The following CDCA7L variants were observed in gnomAD, a reference collection of about 807,000 sequenced individuals.
CDCA7L encodes the protein cell division cycle-associated 7-like protein.
A neutral mutation model predicts 57.4 loss-of-function variants in CDCA7L; 44 were observed. That is an observed-to-expected ratio of 0.77 (90% CI 0.60 to 0.98). CDCA7L has a LOEUF of 0.98. Ranked by LOEUF, CDCA7L falls within the 50% of genes least tolerant of loss-of-function variation. CDCA7L has a pLI of 0.00. For synonymous variants in CDCA7L, 236 were observed against 202.8 expected (o/e 1.16, Z -1.39); for missense variants, 644 against 580.6 (o/e 1.11, Z -1.12).
Position 21,901,388 on chromosome 7 carries a change from T to TGAAAAA in CDCA7L, c.*933_*934insTTTTTC. The TGAAAAA allele has an allele frequency of 1.6e-6, 2 of 1,272,226 alleles. No homozygotes were observed. The highest frequency in any genetic ancestry group is 2.0e-6 in the Non-Finnish European group (2 of 982,136). 78.8% of individuals were successfully genotyped at this position (1,272,226 alleles called of 1,614,324 possible). A position where few individuals can be genotyped will look rare whatever the true frequency, so the allele number is the denominator to read the frequency against. ...TGCATTCTTTTTTCAACGCTATCCT[T>TGAAAAA]AGAGTGAAAGTCAGAAAAAAATACT... On this transcript the variant is annotated 3_prime_UTR_variant, in exon 10 of 10. Transcript: ENST00000406877.
At chr7:21,915,124 C>T (rs1307591651) in intron 2 of CDCA7L, among the ~76,000 whole-genome samples, 5 of 151,984 alleles carry the variant, frequency 3.3e-5, no homozygotes, top group Non-Finnish European at 4.4e-5. Flanking sequence ...ACGAGGGCTA[C>T]GGCAGCTGCA....
At chr7:21,936,376 A>T (rs751817280) in intron 1 of CDCA7L, among the ~76,000 whole-genome samples, 53 of 152,188 alleles carry the variant, frequency 3.5e-4, no homozygotes, top group Non-Finnish European at 5.3e-4. Flanking sequence ...GATACTAGAA[A>T]ACTATACAGC....
chr7:21,945,740 T>C (rs1386013942), intron 1 of CDCA7L, 41 bp downstream of exon 1: 1 of 1,600,770 alleles, frequency 6.2e-7, no homozygotes, highest in African/African-American at 1.4e-5. Context: ...GAAGTCAAAC[T>C]GTGGGTGCGT....
chr7:21,929,147 T>C (rs1785916522), intron 1 of CDCA7L, among the ~76,000 whole-genome samples: 1 of 152,168 alleles, frequency 6.6e-6, no homozygotes, highest in Non-Finnish European at 1.5e-5. Context: ...GTGGGGTCAA[T>C]ATTCAACATT....
At chr7:21,945,710 G>A in intron 1 of CDCA7L, 71 bp downstream of exon 1, 1 of 1,578,622 alleles carries the variant, frequency 6.3e-7, no homozygotes, top group Non-Finnish European at 8.7e-7. Flanking sequence ...CCCAAGGCCA[G>A]CAGGACCGGG....
At chr7:21,929,176 C>G (rs1189057254) in intron 1 of CDCA7L, among the ~76,000 whole-genome samples, 1 of 152,174 alleles carries the variant, frequency 6.6e-6, no homozygotes, top group African/African-American at 2.4e-5. Flanking sequence ...AAAGAATTTT[C>G]AACCCAGAAT....
chr7:21,944,804 T>C (rs578211211), intron 1 of CDCA7L: 11 of 147,362 alleles, frequency 7.5e-5, no homozygotes, highest in Admixed American at 6.9e-4. Flanking sequence ...GGCACGCAGG[T>C]GGAGGAAAGT....
intron 8 of CDCA7L, 115 bp from the exon 9 acceptor site, chr7:21,903,229 C>T: frequency 4.1e-6 from 4 of 975,506 alleles, no homozygotes; most frequent in Admixed American, 4.9e-5. Flanking sequence ...AATCACATGG[C>T]ATCTTTCAGT....
intron 1 of CDCA7L, among the ~76,000 whole-genome samples, chr7:21,926,678 G>A (rs1321581502): frequency 6.6e-6 from 1 of 151,216 alleles, no homozygotes; most frequent in Non-Finnish European, 1.5e-5. Context: ...AGACCAGCCT[G>A]GGCAATGTAG....
intron 3 of CDCA7L, 96 bp from the exon 4 acceptor site, chr7:21,908,603 ACATGAAAAATGAAAAGCTTCCCCTT>A (rs1026546380): frequency 4.6e-6 from 6 of 1,299,948 alleles, no homozygotes; most frequent in African/African-American, 4.5e-5. Flanking sequence ...ATGAGAAAAA[ACATGAAAAATGAAAAGCTTCCCCTT>A]CATATTATGA....
At chr7:21,909,280 G>T (rs74464005) in intron 3 of CDCA7L, among the ~76,000 whole-genome samples, 2 of 152,138 alleles carry the variant, frequency 1.3e-5, no homozygotes, top group East Asian at 3.8e-4. Context: ...GATGTGACGG[G>T]ACTCTTAGCA....
chr7:21,933,146 A>G (rs541751382), intron 1 of CDCA7L, among the ~76,000 whole-genome samples: 1 of 152,192 alleles, frequency 6.6e-6, no homozygotes, highest in South Asian at 2.1e-4. Flanking sequence ...AAAAGTCAGG[A>G]AACAACAGAT....
At chr7:21,923,346 G>T (rs1219785187) in intron 1 of CDCA7L, among the ~76,000 whole-genome samples, 1 of 151,990 alleles carries the variant, frequency 6.6e-6, no homozygotes, top group Non-Finnish European at 1.5e-5. Flanking sequence ...ACAAAAATCA[G>T]CTGGGTTGTG....
At chr7:21,929,539 G>A (rs1395415408) in intron 1 of CDCA7L, among the ~76,000 whole-genome samples, 3 of 149,574 alleles carry the variant, frequency 2.0e-5, no homozygotes, top group African/African-American at 7.5e-5. Flanking sequence ...AGACCCATCG[G>A]TGTGCTGTAT....
chr7:21,905,657 T>TG (rs1785116187), intron 6 of CDCA7L, 26 bp from the exon 7 acceptor site: 1 of 1,609,202 alleles, frequency 6.2e-7, no homozygotes, highest in African/African-American at 1.3e-5. Context: ...AAGCAGAACA[T>TG]GGAGATGTGT....
chr7:21,928,159 G>C (rs543016312), intron 1 of CDCA7L, among the ~76,000 whole-genome samples: 14 of 152,062 alleles, frequency 9.2e-5, no homozygotes, highest in Non-Finnish European at 1.3e-4. Flanking sequence ...CCTCGCAAAC[G>C]GTCTGGAGCG....
At chr7:21,903,296 G>GCAAA (rs779722643) in intron 8 of CDCA7L, among the ~76,000 whole-genome samples, 182 bp from the exon 9 acceptor site, 9 of 152,152 alleles carry the variant, frequency 5.9e-5, no homozygotes, top group East Asian at 5.8e-4. Flanking sequence ...CACGTCACAT[G>GCAAA]CAAACACTGA....
intron 8 of CDCA7L, 43 bp downstream of exon 8, chr7:21,904,067 C>T: frequency 6.6e-7 from 1 of 1,510,576 alleles, no homozygotes; most frequent in Admixed American, 2.0e-5. Flanking sequence ...AGCTTGCTTC[C>T]TTCACCAATA....
At chr7:21,933,110 C>T (rs28858787) in intron 1 of CDCA7L, among the ~76,000 whole-genome samples, 1,809 of 152,274 alleles carry the variant, frequency 0.012, 37 homozygotes, top group African/African-American at 0.041. Flanking sequence ...AATACCATCT[C>T]GTGCCAGTTA....
Sources: allele counts gnomAD v4.1 joint callset (sites outside exome capture counted in the v4.1 genomes callset), GRCh38; gene constraint gnomAD v4.1.1; transcripts MANE v1.5; gene names NCBI Gene and HGNC (gene_info 2026-07-23, HGNC 2026-07-21).